GPC6: variants seen among roughly 807,000 people sequenced by gnomAD.
The protein encoded by GPC6 is glypican 6, also known as glypican-6.
GPC6 carries 14 observed loss-of-function variants against 55.2 expected under a neutral mutation model. The ratio of observed to expected loss-of-function variants is 0.25; its 90% CI spans 0.17 to 0.40. The LOEUF is 0.40. GPC6 is among the 10% of genes least tolerant of loss of function. GPC6 has a pLI of 1.00. For synonymous variants in GPC6, 278 were observed against 259.6 expected (o/e 1.07, Z -0.68); for missense variants, 641 against 708.5 (o/e 0.90, Z 1.08).
chr13:93,862,514 G>C (rs1029642377), intron 3 of GPC6, among the ~76,000 whole-genome samples: 5 of 151,490 alleles, frequency 3.3e-5, no homozygotes, highest in African/African-American at 1.2e-4. Context: ...AGGAGATTGT[G>C]GTGCATGTGT....
At chr13:94,321,370 T>A (rs1015488723) in intron 6 of GPC6, among the ~76,000 whole-genome samples, 2 of 152,212 alleles carry the variant, frequency 1.3e-5, no homozygotes, top group Non-Finnish European at 2.9e-5. Context: ...TTTGCTGCGA[T>A]GAACATACAT....
At chr13:93,759,760 G>C (rs966241633) in intron 2 of GPC6, among the ~76,000 whole-genome samples, 5 of 152,094 alleles carry the variant, frequency 3.3e-5, no homozygotes, top group African/African-American at 1.2e-4. Context: ...AGTGAGACAA[G>C]TTCAAACTAA....
At chr13:94,057,020 G>C (rs1884155295) in intron 4 of GPC6, among the ~76,000 whole-genome samples, 1 of 152,226 alleles carries the variant, frequency 6.6e-6, no homozygotes, top group African/African-American at 2.4e-5. Flanking sequence ...TCCATGGCAT[G>C]GTTTATTGAA....
intron 2 of GPC6, among the ~76,000 whole-genome samples, chr13:93,611,763 A>T (rs1878472458): frequency 6.6e-6 from 1 of 152,194 alleles, no homozygotes; most frequent in African/African-American, 2.4e-5. Flanking sequence ...TTTTATGTTT[A>T]TTCTAAGAAT....
intron 4 of GPC6, among the ~76,000 whole-genome samples, chr13:94,187,620 A>C (rs1889247235): frequency 6.6e-6 from 1 of 152,218 alleles, no homozygotes; most frequent in African/African-American, 2.4e-5. Flanking sequence ...TTCAACAAAT[A>C]CTTATAGAGT....
intron 3 of GPC6, among the ~76,000 whole-genome samples, chr13:93,860,008 G>A (rs1392759580): frequency 2.0e-5 from 3 of 151,608 alleles, no homozygotes; most frequent in Non-Finnish European, 4.4e-5. Flanking sequence ...TACATTCTCG[G>A]CCTTCCTACT....
At chr13:93,941,818 A>G (rs956996535) in intron 3 of GPC6, among the ~76,000 whole-genome samples, 2 of 152,220 alleles carry the variant, frequency 1.3e-5, no homozygotes, top group African/African-American at 4.8e-5. Context: ...TCCTAGAGAA[A>G]AGGCATTATA....
At chr13:93,577,386 T>TA (rs1876716263) in intron 2 of GPC6, among the ~76,000 whole-genome samples, 1 of 152,148 alleles carries the variant, frequency 6.6e-6, no homozygotes. Flanking sequence ...TATGTGATCA[T>TA]ACTGCTGTGA....
At chr13:93,900,025 A>G (rs946452361) in intron 3 of GPC6, among the ~76,000 whole-genome samples, 4 of 152,172 alleles carry the variant, frequency 2.6e-5, no homozygotes, top group African/African-American at 9.6e-5. Context: ...ACTTCTGAAA[A>G]TAATTTGTGG....
intron 3 of GPC6, among the ~76,000 whole-genome samples, chr13:93,869,956 G>A (rs1337670066): frequency 6.6e-6 from 1 of 151,812 alleles, no homozygotes; most frequent in Non-Finnish European, 1.5e-5. Context: ...ACCTGAGGTG[G>A]GAGATGGCAA....
At chr13:93,649,177 G>A (rs1880301762) in intron 2 of GPC6, among the ~76,000 whole-genome samples, 2 of 152,122 alleles carry the variant, frequency 1.3e-5, no homozygotes, top group Non-Finnish European at 2.9e-5. Flanking sequence ...TTGGCCAGGT[G>A]CAGTGGCTTA....
At chr13:93,593,841 A>C (rs1331151910) in intron 2 of GPC6, among the ~76,000 whole-genome samples, 2 of 152,166 alleles carry the variant, frequency 1.3e-5, no homozygotes, top group Admixed American at 1.3e-4. Flanking sequence ...GGAATTCAAT[A>C]TAGCTATAAA....
intron 4 of GPC6, among the ~76,000 whole-genome samples, chr13:94,285,327 T>C (rs549836217): frequency 7.2e-5 from 11 of 152,164 alleles, no homozygotes; most frequent in Admixed American, 3.3e-4. Context: ...GAGCATTTTA[T>C]TGTGGTTGGG....
At chr13:94,020,644 T>G (rs1882660378) in intron 3 of GPC6, among the ~76,000 whole-genome samples, 1 of 152,210 alleles carries the variant, frequency 6.6e-6, no homozygotes, top group Non-Finnish European at 1.5e-5. Flanking sequence ...CCTCCCTGTC[T>G]ACTCTGGCTT....
At chr13:93,336,509 GC>G (rs1880050293) in intron 1 of GPC6, among the ~76,000 whole-genome samples, 2 of 152,144 alleles carry the variant, frequency 1.3e-5, no homozygotes, top group African/African-American at 4.8e-5. Flanking sequence ...AAGGCAGGGT[GC>G]TTTTATCCAT....
intron 1 of GPC6, among the ~76,000 whole-genome samples, chr13:93,476,472 T>A (rs994047032): frequency 6.6e-6 from 1 of 152,146 alleles, no homozygotes; most frequent in African/African-American, 2.4e-5. Flanking sequence ...CAAATAACAA[T>A]CCAACTGCGG....
chr13:93,672,458 A>G (rs1881401310), intron 2 of GPC6, among the ~76,000 whole-genome samples: 1 of 151,974 alleles, frequency 6.6e-6, no homozygotes, highest in Non-Finnish European at 1.5e-5. Context: ...GAGCCAAGTT[A>G]AAGTATGTTT....
intron 1 of GPC6, among the ~76,000 whole-genome samples, chr13:93,347,561 A>G (rs766625550): frequency 6.6e-6 from 1 of 152,082 alleles, no homozygotes; most frequent in Non-Finnish European, 1.5e-5. Context: ...GGAAGCCCCA[A>G]CATCGAGTCT....
At position 93,481,775 on chromosome 13, in the gene GPC6, G is replaced by A. The variant is rs766915846; in HGVS notation, c.161-63488G>A. ...TTTCTGGACTCTCAATTCTATTATT[G>A]TCTGTTTATGCTCATGCTAGTAGTA... On this transcript the variant is annotated intron_variant, in intron 1 of 8. Transcript: ENST00000377047. Among the ~76,000 whole-genome samples the A allele has an allele frequency of 6.7e-4, 102 of 151,934 alleles. 2 individuals carry two copies. The highest frequency in any genetic ancestry group is 4.1e-3 in the Admixed American group (63 of 15,238).
Sources: allele counts gnomAD v4.1 joint callset (sites outside exome capture counted in the v4.1 genomes callset), GRCh38; gene constraint gnomAD v4.1.1; transcripts MANE v1.5; gene names NCBI Gene and HGNC (gene_info 2026-07-23, HGNC 2026-07-21).